KRR1: variants seen among roughly 807,000 people sequenced by gnomAD.
KRR1 encodes the protein KRR1 small subunit processome component homolog.
In KRR1, 23 loss-of-function variants were observed where a neutral mutation model predicts 50.0. The ratio of observed to expected loss-of-function variants is 0.46; its 90% CI spans 0.33 to 0.65. The LOEUF is 0.65. Among genes scored for constraint, KRR1 ranks in the 30% least tolerant of loss-of-function variants. The pLI is 0.02. For synonymous variants in KRR1, 133 were observed against 146.3 expected, an observed-to-expected ratio of 0.91 and a Z score of 0.66; for missense variants, 419 against 442.4, an observed-to-expected ratio of 0.95 and a Z score of 0.47.
At chr12:75,511,492 T>G (rs1378702900) in intron 1 of KRR1, 21 bp downstream of exon 1, 2 of 1,603,628 alleles carry the variant, frequency 1.2e-6, no homozygotes, top group East Asian at 2.3e-5. Context: ...ACCCCAGGCT[T>G]CGGTTCCCAC....
chr12:75,494,847 T>C lies in KRR1; in HGVS notation c.*4962A>G, dbSNP rs1451530266. 3 of 152,222 alleles carry C rather than the reference T, an allele frequency of 2.0e-5. No homozygotes were observed. Among genetic ancestry groups the C allele is most frequent in the Non-Finnish European group, 2.9e-5 (2 of 68,030 alleles). 9.4% of individuals were successfully genotyped at this position (152,222 alleles called of 1,614,324 possible). On this transcript the variant is annotated 3_prime_UTR_variant, in exon 10 of 10. Transcript: ENST00000229214. ...GTCTGTGACCTTGGTCAATTACTTA[T>C]ACTCTGTGACTCAGCCTCTAGCTAT... is the stretch of plus-strand genomic sequence containing the variant.
chr12:75,502,141 C>T, intron 7 of KRR1, 141 bp from the exon 8 acceptor site: 1 of 691,380 alleles, frequency 1.4e-6, no homozygotes, highest in Non-Finnish European at 2.5e-6. Flanking sequence ...ATAAAGGAAA[C>T]AGAGTCTAAG....
At chr12:75,506,733 G>A in intron 3 of KRR1, 49 bp downstream of exon 3, 1 of 1,588,666 alleles carries the variant, frequency 6.3e-7, no homozygotes, top group East Asian at 2.3e-5. Flanking sequence ...GGATGTTATA[G>A]GTTAACACTG....
rs769392595 is a variant in KRR1 at position 75,508,487 on chromosome 12, C to CT, written c.86-42dup. 4 of 1,468,440 alleles carry CT rather than the reference C, an allele frequency of 2.7e-6. No individual in the cohort carries two copies. In the East Asian group the frequency reaches 9.5e-5, roughly 35 times the overall value. The allele number at this position is 1,468,440 out of a possible 1,614,324, so 91.0% of individuals were successfully genotyped here. ...AATTTACACATCACATTTTAACTGT[C>CT]TTTTGGACATACACATCACATTTTA... On this transcript the variant is annotated intron_variant, in intron 1 of 9. Coordinates refer to ENST00000229214, the MANE Select transcript of KRR1 (RefSeq NM_007043.7).
intron 2 of KRR1, 118 bp from the exon 3 acceptor site, chr12:75,507,034 T>A: frequency 1.3e-6 from 1 of 772,912 alleles, no homozygotes; most frequent in Non-Finnish European, 2.0e-6. Flanking sequence ...ATCAATTACT[T>A]CCCTGAAGAA....
In KRR1 at chr12:75,498,640, C is replaced by G. The variant is rs2046366768; in HGVS notation, c.*1169G>C. The G allele has an allele frequency of 3.5e-6, 5 of 1,427,790 alleles. No individual in the cohort carries two copies. The highest frequency in any genetic ancestry group is 1.7e-5 in the Admixed American group (1 of 59,228). The allele number at this position is 1,427,790 out of a possible 1,614,324, so 88.4% of individuals were successfully genotyped here. ...AGACTTAGCTTTTTAAAATAAAACT[C>G]TCAACTGTGTCTACCCTTTTAATTT... On this transcript the variant is annotated 3_prime_UTR_variant, in exon 10 of 10. Transcript: ENST00000229214.
At chr12:75,510,976 G>A (rs1188256413) in intron 1 of KRR1, among the ~76,000 whole-genome samples, 1 of 152,106 alleles carries the variant, frequency 6.6e-6, no homozygotes, top group African/African-American at 2.4e-5. Context: ...ACAATTAAAA[G>A]GTAACACAAC....
chr12:75,499,786 C>G lies in KRR1; in HGVS notation c.*23G>C, dbSNP rs754436270. The G allele has an allele frequency of 6.4e-7, 1 of 1,563,246 alleles. No individual in the cohort carries two copies. Among genetic ancestry groups the G allele is most frequent in the Middle Eastern group, 1.7e-4 (1 of 5,856 alleles). ...AAATCCTTTACAAAAGGAGATAGTT[C>G]TAGTCAAGGAGTTTTGGGTATGTTA... On this transcript the variant is annotated 3_prime_UTR_variant, in exon 10 of 10. Transcript: ENST00000229214.
Position 75,498,813 on chromosome 12 carries a change from T to A in KRR1, c.*996A>T. The A allele has an allele frequency of 6.2e-7, 1 of 1,612,412 alleles. No individual in the cohort carries two copies. The highest frequency in any genetic ancestry group is 8.5e-7 in the Non-Finnish European group (1 of 1,178,744). ...CAATGTCTAAGAGGATATTCTATGT[T>A]TGTTTCACAGGTTACTACTCTGTTG... On this transcript the variant is annotated 3_prime_UTR_variant, in exon 10 of 10. Transcript: ENST00000229214.
chr12:75,501,583 T>C, intron 9 of KRR1, 140 bp downstream of exon 9: 1 of 620,708 alleles, frequency 1.6e-6, no homozygotes, highest in Non-Finnish European at 2.8e-6. Flanking sequence ...AGCCATCCCT[T>C]GTCCTTAGGA....
Position 75,492,478 on chromosome 12 carries a change from G to A in KRR1, c.*7331C>T, listed in dbSNP as rs1440416975. 1 of 152,176 alleles carries A rather than the reference G, an allele frequency of 6.6e-6. No homozygotes were observed. The highest frequency in any genetic ancestry group is 1.9e-4 in the East Asian group (1 of 5,202). 9.4% of individuals were successfully genotyped at this position (152,176 alleles called of 1,614,324 possible). A position where few individuals can be genotyped will look rare whatever the true frequency, so the allele number is the denominator to read the frequency against. Reference sequence around the variant, plus strand: ...TCAGTTTAACCTCCAATAGATCAGGGTTACAGGACCCATCACTTAGAGTAG... The same window carrying A: ...TCAGTTTAACCTCCAATAGATCAGGATTACAGGACCCATCACTTAGAGTAG... On this transcript the variant is annotated 3_prime_UTR_variant, in exon 10 of 10. Transcript: ENST00000229214.
chr12:75,503,340 GC>G (rs1327646951), intron 7 of KRR1: 3 of 152,102 alleles, frequency 2.0e-5, no homozygotes, highest in African/African-American at 7.2e-5. Flanking sequence ...TAGCCACGTT[GC>G]AAGGAAGAAG....
chr12:75,501,106 ATAAG>A (rs1422185186), intron 9 of KRR1: 1 of 152,240 alleles, frequency 6.6e-6, no homozygotes, highest in Non-Finnish European at 1.5e-5. Flanking sequence ...TAGGAAGAGG[ATAAG>A]TGTTACCACA....
Position 75,493,104 on chromosome 12 carries a change from G to A in KRR1, c.*6705C>T, listed in dbSNP as rs919025055. The A allele has an allele frequency of 1.3e-5, 2 of 152,120 alleles. No individual in the cohort carries two copies. Among genetic ancestry groups the A allele is most frequent in the African/African-American group, 2.4e-5 (1 of 41,422 alleles). 9.4% of individuals were successfully genotyped at this position (152,120 alleles called of 1,614,324 possible). A position where few individuals can be genotyped will look rare whatever the true frequency, so the allele number is the denominator to read the frequency against. ...CGGTCTGCTAAACAGATGAAACGGG[G>A]GGAGGAAGGCAGTTGCAGATCTAGC... On this transcript the variant is annotated 3_prime_UTR_variant, in exon 10 of 10. Coordinates refer to ENST00000229214, the MANE Select transcript of KRR1 (RefSeq NM_007043.7).
In KRR1 at chr12:75,511,560, G is replaced by A. The variant is rs767163062; in HGVS notation, c.38C>T (p.Ala13Val). 1.7e-5 allele frequency: 27 copies of A among 1,614,080 alleles called. No homozygotes were observed. Among genetic ancestry groups the A allele is most frequent in the Non-Finnish European group, 2.1e-5 (25 of 1,179,938 alleles). ...CTGGTTACGAAATTCACTTTTTCCA[G>A]CGCCTTTTTCTGGCCGCTCCAGCGA... ...SPSLERPEKGAGKSEFRNQKP... is the reference protein window; with the variant it reads ...SPSLERPEKGVGKSEFRNQKP... The change falls in exon 1 of 10, where the codon GCT becomes GTT. Residue 13 changes from alanine (A) to valine (V), a missense_variant. Ala to Val is a moderately conservative substitution (Grantham distance 64). Coordinates refer to ENST00000229214, the MANE Select transcript of KRR1 (RefSeq NM_007043.7).
chr12:75,502,931 G>A (rs896834888), intron 7 of KRR1: 1 of 151,914 alleles, frequency 6.6e-6, no homozygotes, highest in African/African-American at 2.4e-5. Flanking sequence ...TTTTCACTAT[G>A]ATCATCATTT....
chr12:75,495,601 TA>T lies in KRR1; in HGVS notation c.*4207del. 6.2e-7 allele frequency: 1 copy of T among 1,609,608 alleles called. No individual in the cohort carries two copies. Among genetic ancestry groups the T allele is most frequent in the Non-Finnish European group, 8.5e-7 (1 of 1,175,956 alleles). On this transcript the variant is annotated 3_prime_UTR_variant, in exon 10 of 10. Coordinates refer to ENST00000229214, the MANE Select transcript of KRR1 (RefSeq NM_007043.7). ...GAGGGAATTACCCAACTTGGCCATA[TA>T]AGAGAGGAGCCACCTGCAGTGCCTG...
rs1236179498 is a variant in KRR1, at chr12:75,494,247, A to G, written c.*5562T>C. The G allele has an allele frequency of 6.6e-6, 1 of 152,192 alleles. No homozygotes were observed. Among genetic ancestry groups the G allele is most frequent in the Non-Finnish European group, 1.5e-5 (1 of 68,034 alleles). 9.4% of individuals were successfully genotyped at this position (152,192 alleles called of 1,614,324 possible). A position where few individuals can be genotyped will look rare whatever the true frequency, so the allele number is the denominator to read the frequency against. On this transcript the variant is annotated 3_prime_UTR_variant, in exon 10 of 10. Transcript: ENST00000229214. ...GAGGTAATTGTAGAGTGCTGGGGAG[A>G]GGAGGACCATAAACTTTGATTAGAA...
chr12:75,506,672 T>C, intron 3 of KRR1, 63 bp from the exon 4 acceptor site: 1 of 1,546,836 alleles, frequency 6.5e-7, no homozygotes, highest in Non-Finnish European at 8.6e-7. Context: ...ACATTCATTT[T>C]CCAGGCCCAC....
Sources: allele counts gnomAD v4.1 joint callset (sites outside exome capture counted in the v4.1 genomes callset), GRCh38; gene constraint gnomAD v4.1.1; transcripts MANE v1.5; gene names NCBI Gene and HGNC (gene_info 2026-07-23, HGNC 2026-07-21).